Variants in DCAF8L2 observed in about 807,000 individuals in gnomAD.
DCAF8L2 encodes DDB1- and CUL4-associated factor 8-like protein 2.
For missense variants in DCAF8L2, 430 were observed against 490.7 expected, an observed-to-expected ratio of 0.88 and a Z score of 1.17; for synonymous variants, 200 against 190.9, an observed-to-expected ratio of 1.05 and a Z score of -0.39.
the DCAF8L2 span, among the ~76,000 whole-genome samples, chrX:27,534,321 T>G: frequency 8.9e-6 from 1 of 112,359 alleles, no homozygotes; most frequent in Admixed American, 9.4e-5. Flanking sequence ...TTGTAAGTAT[T>G]TAGAAGCATC....
the DCAF8L2 span, among the ~76,000 whole-genome samples, chrX:27,477,579 G>A: frequency 2.9e-4 from 33 of 111,985 alleles, no homozygotes; most frequent in Admixed American, 5.7e-4. Flanking sequence ...GAGCCACTGC[G>A]CCCGGCCTCT....
intron 3 of DCAF8L2, among the ~76,000 whole-genome samples, chrX:27,712,207 C>G (rs1931556476): frequency 9.0e-6 from 1 of 111,552 alleles, no homozygotes; most frequent in Admixed American, 9.6e-5. Context: ...TTTGAGTCAT[C>G]TCAGAATTGG....
At chrX:27,606,167 G>A (rs1225472578) in intron 1 of DCAF8L2, among the ~76,000 whole-genome samples, 1 of 100,070 alleles carries the variant, frequency 1.0e-5, no homozygotes, top group African/African-American at 3.7e-5. Context: ...ACTATGGTGT[G>A]GAAGGCGGAC....
intron 3 of DCAF8L2, among the ~76,000 whole-genome samples, chrX:27,701,581 A>G (rs962617501): frequency 1.8e-5 from 2 of 111,653 alleles, no homozygotes; most frequent in East Asian, 5.6e-4. Flanking sequence ...AGAAATCAAT[A>G]AACATGTGGA....
chrX:27,533,210 GAA>G, the DCAF8L2 span, among the ~76,000 whole-genome samples: 91 of 50,525 alleles, frequency 1.8e-3, 1 homozygote, highest in African/African-American at 4.5e-3. Flanking sequence ...AAGAAAGAAA[GAA>G]AGAAAGAAAG....
At chrX:27,652,633 C>G (rs891064798) in intron 2 of DCAF8L2, among the ~76,000 whole-genome samples, 9 of 112,107 alleles carry the variant, frequency 8.0e-5, no homozygotes, top group African/African-American at 2.6e-4. Flanking sequence ...AAAACCATTA[C>G]TAACATGTCA....
At chrX:27,495,337 T>A in the DCAF8L2 span, among the ~76,000 whole-genome samples, 1 of 111,775 alleles carries the variant, frequency 8.9e-6, no homozygotes, top group Non-Finnish European at 1.9e-5. Flanking sequence ...AAATTGTGAA[T>A]TTTTCATCCT....
At chrX:27,722,670 G>C (rs748265244) in intron 4 of DCAF8L2, among the ~76,000 whole-genome samples, 10 of 110,770 alleles carry the variant, frequency 9.0e-5, no homozygotes, top group Non-Finnish European at 1.3e-4. Context: ...GTGTGCATGT[G>C]TATAATCTTA....
At chrX:27,635,986 T>C (rs931568469) in intron 2 of DCAF8L2, among the ~76,000 whole-genome samples, 2 of 110,464 alleles carry the variant, frequency 1.8e-5, no homozygotes, top group South Asian at 7.8e-4. Flanking sequence ...TAATTTTTTG[T>C]ATTTTTAGTA....
At chrX:27,559,998 T>A in the DCAF8L2 span, among the ~76,000 whole-genome samples, 1 of 110,614 alleles carries the variant, frequency 9.0e-6, no homozygotes, top group Non-Finnish European at 1.9e-5. Context: ...CCGGGCACGG[T>A]GGCTCATGCC....
chrX:27,695,435 T>C (rs762205608), intron 3 of DCAF8L2, among the ~76,000 whole-genome samples: 1 of 112,203 alleles, frequency 8.9e-6, no homozygotes, highest in Non-Finnish European at 1.9e-5. Context: ...GAATGGTATT[T>C]TGGAGTTATC....
chrX:27,692,011 A>T (rs895220182), intron 3 of DCAF8L2, among the ~76,000 whole-genome samples: 2 of 111,817 alleles, frequency 1.8e-5, no homozygotes, highest in Non-Finnish European at 3.8e-5. Context: ...TACAGTCAAT[A>T]TATTTGATGT....
chrX:27,598,996 C>T (rs1926507736), intron 1 of DCAF8L2, among the ~76,000 whole-genome samples: 1 of 102,712 alleles, frequency 9.7e-6, no homozygotes, highest in Non-Finnish European at 1.9e-5. Flanking sequence ...TATATATGAT[C>T]CAGCAATTTC....
chrX:27,562,680 T>C, the DCAF8L2 span, among the ~76,000 whole-genome samples: 3 of 112,088 alleles, frequency 2.7e-5, no homozygotes, highest in African/African-American at 9.7e-5. Flanking sequence ...GGAGCAACAA[T>C]TGCTTATCAT....
At chrX:27,732,104 A>T (rs1348530712) in intron 4 of DCAF8L2, among the ~76,000 whole-genome samples, 1 of 111,732 alleles carries the variant, frequency 8.9e-6, no homozygotes, top group African/African-American at 3.3e-5. Flanking sequence ...AAATTAACGT[A>T]TGTGTCTCCT....
chrX:27,654,657 A>C (rs900500478), intron 2 of DCAF8L2, among the ~76,000 whole-genome samples: 7 of 111,621 alleles, frequency 6.3e-5, no homozygotes, highest in Admixed American at 5.7e-4. Context: ...AATAATAGAA[A>C]TATTCTATAT....
At chrX:27,740,138 C>G (rs1422410279) in intron 4 of DCAF8L2, among the ~76,000 whole-genome samples, 1 of 111,927 alleles carries the variant, frequency 8.9e-6, no homozygotes, top group East Asian at 2.8e-4. Context: ...TTAGCCTGCT[C>G]TCACCTTTGT....
At chrX:27,612,986 G>T (rs955765812) in intron 1 of DCAF8L2, among the ~76,000 whole-genome samples, 1 of 111,792 alleles carries the variant, frequency 8.9e-6, no homozygotes, top group African/African-American at 3.3e-5. Flanking sequence ...ATTTGGTCAA[G>T]AAAGTCATTG....
intron 2 of DCAF8L2, among the ~76,000 whole-genome samples, chrX:27,639,284 G>T (rs1218480577): frequency 8.9e-6 from 1 of 111,805 alleles, no homozygotes; most frequent in Non-Finnish European, 1.9e-5. Flanking sequence ...ATTACCAGAG[G>T]CTGGGAAGAG....
Sources: allele counts gnomAD v4.1 joint callset (sites outside exome capture counted in the v4.1 genomes callset), GRCh38; gene constraint gnomAD v4.1.1; transcripts MANE v1.5; gene names NCBI Gene and HGNC (gene_info 2026-07-23, HGNC 2026-07-21).